Variants in FZR1 observed in about 807,000 individuals in gnomAD.
The protein encoded by FZR1 is fizzy and cell division cycle 20 related 1.
Under a neutral mutation model 63.6 loss-of-function variants are expected in FZR1, and 11 were observed. The observed-to-expected ratio is 0.17, with a 90% CI of 0.11 to 0.29. The LOEUF (loss-of-function observed/expected upper bound fraction) is 0.29, where lower values mean the gene tolerates loss of function less well. FZR1 is among the 10% of genes least tolerant of loss of function. The pLI is 1.00. For synonymous variants in FZR1, 328 were observed against 297.9 expected (o/e 1.10, Z -1.04); for missense variants, 440 against 687.5 (o/e 0.64, Z 4.03).
chr19:3,518,945 C>T (rs2083078866), intron 1 of FZR1, among the ~76,000 whole-genome samples: 1 of 152,252 alleles, frequency 6.6e-6, no homozygotes, highest in African/African-American at 2.4e-5. Context: ...CCCACTACCT[C>T]CTCTGGTAGG....
chr19:3,508,745 C>T (rs538943918), intron 1 of FZR1, among the ~76,000 whole-genome samples: 6 of 152,324 alleles, frequency 3.9e-5, no homozygotes, highest in Non-Finnish European at 5.9e-5. Flanking sequence ...TTTCTCCTGG[C>T]GCAAAGCTCT....
intron 1 of FZR1, among the ~76,000 whole-genome samples, chr19:3,509,900 TGCTGCGAAGAGGCAGGCGCTG>T (rs2083012778): frequency 6.6e-6 from 1 of 152,302 alleles, no homozygotes; most frequent in South Asian, 2.1e-4. Context: ...TGAGTTGAGC[TGCTGCGAAGAGGCAGGCGCTG>T]GTGGTTGTGT....
chr19:3,531,703 TTCCA>T lies in FZR1; in HGVS notation c.721-7_721-4del. On this transcript the variant is annotated splice_region_variant and splice_polypyrimidine_tract_variant and intron_variant, in intron 8 of 13. Transcript: ENST00000441788. ...CTGACACCGGTGCTCTGCCCATGCC[TTCCA>T]TCCTAGGGGAACCTGGTGGCGGTGG... 1 of 1,541,456 alleles carries T rather than the reference TTCCA, an allele frequency of 6.5e-7. No individual in the cohort carries two copies.
chr19:3,507,541 G>C (rs2082993678), intron 1 of FZR1, among the ~76,000 whole-genome samples: 1 of 151,868 alleles, frequency 6.6e-6, no homozygotes, highest in Non-Finnish European at 1.5e-5. Flanking sequence ...CCCCCGCCCC[G>C]CCCCAGTCTA....
rs778366940 is a variant in FZR1 at position 3,533,963 on chromosome 19, C to A, written c.1348-458C>A. Among the ~76,000 whole-genome samples the A allele has an allele frequency of 3.3e-4, 50 of 152,130 alleles. No homozygotes were observed. The highest frequency in any genetic ancestry group is 7.9e-4 in the Admixed American group (12 of 15,282). ...CTTGGCTAGGTGCGGTGGCTCACGC[C>A]TGTAATCCCTGCACTTCAGGAAGCC... On this transcript the variant is annotated intron_variant, in intron 12 of 13. Coordinates refer to ENST00000441788, the MANE Select transcript of FZR1 (RefSeq NM_016263.4). This position sits in a 1 kb window ranked among gnomAD's most constrained non-coding sequence, Gnocchi z 4.9.
rs1302500321 is a variant in FZR1, at chr19:3,526,799, G to T, written c.388-181G>T. 1.3e-5 allele frequency among the ~76,000 whole-genome samples: 2 copies of T among 152,180 alleles called. No homozygotes were observed. The highest frequency in any genetic ancestry group is 4.8e-5 in the African/African-American group (2 of 41,456). Reference sequence around the variant, plus strand: ...GGCTTGGGTCCCTCGAGAGAGGGCGGGAGGGGTGGGGGGTCCGCAGTCCCC... The same window carrying T: ...GGCTTGGGTCCCTCGAGAGAGGGCGTGAGGGGTGGGGGGTCCGCAGTCCCC... On this transcript the variant is annotated intron_variant, in intron 5 of 13. Transcript: ENST00000441788. The surrounding 1 kb of genome is among the most constrained non-coding windows in gnomAD (Gnocchi z 5.4).
intron 7 of FZR1, among the ~76,000 whole-genome samples, chr19:3,529,166 T>TGGGAGAGCGGA (rs2083201069): frequency 3.9e-5 from 1 of 25,552 alleles, no homozygotes; most frequent in Non-Finnish European, 7.9e-5. Flanking sequence ...GGGAGAGCGG[T>TGGGAGAGCGGA]TGGGAGAGCG....
In FZR1 at chr19:3,534,416, C is replaced by G. The variant is rs769483214; in HGVS notation, c.1348-5C>G. 2.6e-6 allele frequency: 4 copies of G among 1,563,730 alleles called. No individual in the cohort carries two copies. Among genetic ancestry groups the G allele is most frequent in the Non-Finnish European group, 2.6e-6 (3 of 1,139,650 alleles). Reference sequence around the variant, plus strand: ...AGACATGGGGTGCTTCCCTCCTGTCCACAGGCAATGTCCCCTGATGGGGAG... The same window carrying G: ...AGACATGGGGTGCTTCCCTCCTGTCGACAGGCAATGTCCCCTGATGGGGAG... On this transcript the variant is annotated splice_region_variant and splice_polypyrimidine_tract_variant and intron_variant, in intron 12 of 13. Coordinates refer to ENST00000441788, the MANE Select transcript of FZR1 (RefSeq NM_016263.4).
rs1568237528 is a variant in FZR1 at position 3,529,178 on chromosome 19, TTGGGAGAGCGGA to T, written c.654+1379_654+1390del. 9.2e-3 allele frequency among the ~76,000 whole-genome samples: 204 copies of T among 22,154 alleles called. 4 individuals carry two copies. The highest frequency in any genetic ancestry group is 0.026 in the South Asian group (13 of 506). The allele number at this position is 22,154 out of a possible 152,430, so 14.5% of individuals were successfully genotyped here. ...GATGGGAGAGCGGTTGGGAGAGCGG[TTGGGAGAGCGGA>T]TGGGAGAGCGGATGAGAGAGTGGAT... On this transcript the variant is annotated intron_variant, in intron 7 of 13. Coordinates refer to ENST00000441788, the MANE Select transcript of FZR1 (RefSeq NM_016263.4).
At chr19:3,528,806 C>T (rs868265518) in intron 7 of FZR1, among the ~76,000 whole-genome samples, 2 of 60,256 alleles carry the variant, frequency 3.3e-5, no homozygotes, top group South Asian at 6.3e-4. Context: ...TGGATGGGTA[C>T]GTGGATGGGT....
intron 7 of FZR1, among the ~76,000 whole-genome samples, chr19:3,529,230 G>T (rs1199369885): frequency 1.3e-5 from 2 of 150,586 alleles, no homozygotes; most frequent in South Asian, 2.1e-4. Context: ...GAGCGGATGG[G>T]AGAGCGGATG....
In FZR1 at chr19:3,537,315, CG is replaced by C. The variant is rs2030014310; in HGVS notation, c.*2480del. ...AGGTGCCTCTGCTGTCAGCTCCACC[CG>C]ACAGGCAGACGAAGGCCAGTGGGGC... On this transcript the variant is annotated 3_prime_UTR_variant, in exon 14 of 14. Transcript: ENST00000441788. 1 of 152,246 alleles carries C rather than the reference CG, an allele frequency of 6.6e-6. No homozygotes were observed. The highest frequency in any genetic ancestry group is 2.4e-5 in the African/African-American group (1 of 41,420). 9.4% of individuals were successfully genotyped at this position (152,246 alleles called of 1,614,324 possible).
intron 1 of FZR1, among the ~76,000 whole-genome samples, chr19:3,510,464 G>A (rs766761275): frequency 1.9e-4 from 29 of 152,216 alleles, no homozygotes; most frequent in Admixed American, 9.2e-4. Flanking sequence ...GCGGCAGGCC[G>A]TTCAGATTCC....
chr19:3,524,034 C>T (rs572248612), intron 2 of FZR1, among the ~76,000 whole-genome samples: 3 of 152,332 alleles, frequency 2.0e-5, no homozygotes, highest in Admixed American at 6.5e-5. Flanking sequence ...GGGACAGGGC[C>T]ACTGCAGAAG....
intron 1 of FZR1, among the ~76,000 whole-genome samples, chr19:3,508,888 G>A (rs979580110): frequency 5.3e-5 from 8 of 152,196 alleles, no homozygotes; most frequent in East Asian, 1.9e-4. Context: ...TGTGAGCCCC[G>A]TGAGGGCAGT....
At chr19:3,527,989 CCCTCCCAGCCATGGCCCTCCCAGTCAGGG>C (rs1482267968) in intron 7 of FZR1, among the ~76,000 whole-genome samples, 175 bp downstream of exon 7, 1 of 151,774 alleles carries the variant, frequency 6.6e-6, no homozygotes, top group Non-Finnish European at 1.5e-5. Context: ...ACCCTCCCAG[CCCTCCCAGCCATGGCCCTCCCAGTCAGGG>C]CCTCCCAGCC....
Position 3,534,423 on chromosome 19 carries a change from A to G in FZR1, c.1350A>G (p.Ala450=), listed in dbSNP as rs1173018579. 1.3e-6 allele frequency: 2 copies of G among 1,584,092 alleles called. No homozygotes were observed. Among genetic ancestry groups the G allele is most frequent in the Middle Eastern group, 1.7e-4 (1 of 6,030 alleles). Residue 450 remains alanine (A), a splice_region_variant and synonymous_variant, in exon 13 of 14, where the codon GCA becomes GCG. Transcript: ENST00000441788. The part of the protein sequence containing the change: ...TGHSYRVLYL[A]MSPDGEAIVT... ...GGGTGCTTCCCTCCTGTCCACAGGC[A>G]ATGTCCCCTGATGGGGAGGCCATCG... is the stretch of plus-strand genomic sequence containing the variant.
chr19:3,534,815 C>A lies in FZR1; in HGVS notation c.1461C>A (p.Asn487Lys). The stretch of plus-strand genomic sequence containing the variant: ...TGCAGGAGTCTGTGTCTGTGCTCAA[C>A]CTCTTCACCAGGATCCGGTAAACCT... ...RSTKESVSVL[N>K]LFTRIR Residue 487 changes from asparagine (N) to lysine (K), a missense_variant, in exon 14 of 14, where the codon AAC (asparagine) becomes AAA (lysine). Transcript: ENST00000441788. The A allele has an allele frequency of 6.2e-7, 1 of 1,613,022 alleles. No individual in the cohort carries two copies. Among genetic ancestry groups the A allele is most frequent in the Non-Finnish European group, 8.5e-7 (1 of 1,179,776 alleles).
rs1346032556 is a variant in FZR1, at chr19:3,530,043, C to T, written c.655-749C>T. 6.3e-4 allele frequency among the ~76,000 whole-genome samples: 64 copies of T among 100,960 alleles called. 5 individuals are homozygous for T. The highest frequency in any genetic ancestry group is 2.4e-3 in the African/African-American group (59 of 24,696). 66.2% of individuals were successfully genotyped at this position (100,960 alleles called of 152,430 possible). A position where few individuals can be genotyped will look rare whatever the true frequency, so the allele number is the denominator to read the frequency against. On this transcript the variant is annotated intron_variant, in intron 7 of 13. Coordinates refer to ENST00000441788, the MANE Select transcript of FZR1 (RefSeq NM_016263.4). Reference sequence around the variant, plus strand: ...GTGGATGGGAGAGTGGATGGGTGAGCGGATGGGAGAGCAGATGGGTGAGCG... The same window carrying T: ...GTGGATGGGAGAGTGGATGGGTGAGTGGATGGGAGAGCAGATGGGTGAGCG...
Sources: allele counts gnomAD v4.1 joint callset (sites outside exome capture counted in the v4.1 genomes callset), GRCh38; gene constraint gnomAD v4.1.1; non-coding constraint Gnocchi (gnomAD v3.1); transcripts MANE v1.5; gene names NCBI Gene and HGNC (gene_info 2026-07-23, HGNC 2026-07-21).